MAGI2: variants seen among roughly 807,000 people sequenced by gnomAD.
MAGI2 encodes membrane-associated guanylate kinase, WW and PDZ domain-containing protein 2.
Under a neutral mutation model 133.3 loss-of-function variants are expected in MAGI2, and 35 were observed. The ratio of observed to expected loss-of-function variants is 0.26; its 90% CI spans 0.20 to 0.35. The LOEUF is 0.35. Ranked by LOEUF, MAGI2 falls within the 10% of genes least tolerant of loss-of-function variation. The pLI, the probability that MAGI2 is intolerant of heterozygous loss-of-function variation, is 1.00. For synonymous variants in MAGI2, 729 were observed against 710.6 expected, an observed-to-expected ratio of 1.03 and a Z score of -0.41; for missense variants, 1,636 against 1,863.4, an observed-to-expected ratio of 0.88 and a Z score of 2.25.
intron 6 of MAGI2, among the ~76,000 whole-genome samples, chr7:78,387,984 A>G (rs1236208916): frequency 6.6e-6 from 1 of 151,568 alleles, no homozygotes; most frequent in Non-Finnish European, 1.5e-5. Flanking sequence ...AAAATAATAA[A>G]ATCTATTCTT....
At chr7:79,159,517 CAAA>C (rs57296916) in intron 1 of MAGI2, among the ~76,000 whole-genome samples, 12 of 107,372 alleles carry the variant, frequency 1.1e-4, no homozygotes, top group Admixed American at 9.1e-5. Context: ...GACTCAGTCT[CAAA>C]AAAAAAAAAA....
At chr7:78,215,908 A>AG (rs1788223316) in intron 10 of MAGI2, among the ~76,000 whole-genome samples, 1 of 152,232 alleles carries the variant, frequency 6.6e-6, no homozygotes, top group African/African-American at 2.4e-5. Context: ...AGACTGGGGT[A>AG]GACTTATGAG....
intron 2 of MAGI2, among the ~76,000 whole-genome samples, chr7:78,799,874 A>G (rs1275335384): frequency 6.6e-6 from 1 of 152,158 alleles, no homozygotes; most frequent in Non-Finnish European, 1.5e-5. Context: ...TTAAAGTATT[A>G]CCATCTTTGT....
chr7:78,822,485 A>G (rs530368724), intron 2 of MAGI2, among the ~76,000 whole-genome samples: 13 of 152,072 alleles, frequency 8.5e-5, no homozygotes, highest in Non-Finnish European at 7.4e-5. Context: ...TTGCTCTTCT[A>G]AACTGGATTT....
At chr7:79,435,835 A>G (rs1351486117) in intron 1 of MAGI2, among the ~76,000 whole-genome samples, 4 of 152,284 alleles carry the variant, frequency 2.6e-5, no homozygotes, top group African/African-American at 9.6e-5. Context: ...ACAAAGCCAG[A>G]GGCATCACCA....
intron 2 of MAGI2, chr7:78,946,839 C>T (rs1801454810): frequency 6.6e-6 from 1 of 152,060 alleles, no homozygotes; most frequent in Non-Finnish European, 1.5e-5. Flanking sequence ...GAAGAAAATT[C>T]CATCACCCAA....
At chr7:78,095,214 C>T (rs780463753) in intron 20 of MAGI2, among the ~76,000 whole-genome samples, 2 of 152,290 alleles carry the variant, frequency 1.3e-5, no homozygotes, top group East Asian at 3.9e-4. Context: ...TGCTGTCTCT[C>T]GTGAGGATGA....
At chr7:78,426,461 TG>T (rs892640468) in intron 6 of MAGI2, among the ~76,000 whole-genome samples, 35 of 149,892 alleles carry the variant, frequency 2.3e-4, no homozygotes, top group African/African-American at 8.0e-4. Flanking sequence ...TGTTGTGGGG[TG>T]GGGGGAGCGC....
chr7:79,079,023 C>A (rs559992489), intron 1 of MAGI2, among the ~76,000 whole-genome samples: 1 of 152,216 alleles, frequency 6.6e-6, no homozygotes, highest in South Asian at 2.1e-4. Context: ...CTTGAGAATT[C>A]TTTTCTCCCT....
intron 9 of MAGI2, among the ~76,000 whole-genome samples, chr7:78,296,950 T>C (rs1434427756): frequency 6.6e-6 from 1 of 152,168 alleles, no homozygotes; most frequent in African/African-American, 2.4e-5. Context: ...AGTCATGTGC[T>C]ATAGCTCGCT....
chr7:79,086,602 T>C (rs560211250), intron 1 of MAGI2, among the ~76,000 whole-genome samples: 7 of 151,974 alleles, frequency 4.6e-5, no homozygotes, highest in Admixed American at 4.6e-4. Flanking sequence ...TCTCATAGTT[T>C]AATGGAGGAT....
chr7:79,161,942 A>G (rs906198850), intron 1 of MAGI2, among the ~76,000 whole-genome samples: 6 of 152,076 alleles, frequency 3.9e-5, no homozygotes, highest in East Asian at 1.9e-4. Context: ...ATTTAAAAGG[A>G]GTTTATATGG....
At chr7:79,040,569 A>G (rs35002832) in intron 1 of MAGI2, among the ~76,000 whole-genome samples, 39,231 of 152,008 alleles carry the variant, frequency 0.26, 5,142 homozygotes, top group Middle Eastern at 0.38. Context: ...GTACCTACAC[A>G]AGTCTCACCT....
At position 79,324,707 on chromosome 7, in the gene MAGI2, TTATA is replaced by T. The variant is rs1395716103; in HGVS notation, c.301+128309_301+128312del. ...TATATATATATAAAATATATATATA[TTATA>T]TATGTATATAAAATATATATATATT... On this transcript the variant is annotated intron_variant, in intron 1 of 21. Coordinates refer to ENST00000354212, the MANE Select transcript of MAGI2 (RefSeq NM_012301.4). Among the ~76,000 whole-genome samples, 2 of 12,620 alleles carry T rather than the reference TTATA, an allele frequency of 1.6e-4. 1 individual carries two copies. Among genetic ancestry groups the T allele is most frequent in the Admixed American group, 3.1e-3 (2 of 638 alleles). 8.3% of individuals were successfully genotyped at this position (12,620 alleles called of 152,430 possible). A position where few individuals can be genotyped will look rare whatever the true frequency, so the allele number is the denominator to read the frequency against.
intron 3 of MAGI2, among the ~76,000 whole-genome samples, chr7:78,542,867 C>T (rs190356378): frequency 1.3e-5 from 2 of 152,226 alleles, no homozygotes; most frequent in East Asian, 1.9e-4. Flanking sequence ...CTTCTTGTTA[C>T]GCTGTGGAAA....
chr7:79,343,194 C>A (rs1841038795), intron 1 of MAGI2: 1 of 152,108 alleles, frequency 6.6e-6, no homozygotes, highest in Non-Finnish European at 1.5e-5. Flanking sequence ...TCACCACAGT[C>A]TAAGTAATAA....
chr7:79,384,390 T>A (rs1464838864), intron 1 of MAGI2, among the ~76,000 whole-genome samples: 3 of 151,472 alleles, frequency 2.0e-5, no homozygotes, highest in African/African-American at 2.4e-5. Flanking sequence ...CTGTGAACTA[T>A]TTTTTTAAAT....
intron 9 of MAGI2, among the ~76,000 whole-genome samples, chr7:78,314,510 C>A (rs1392065058): frequency 6.6e-6 from 1 of 152,140 alleles, no homozygotes; most frequent in Non-Finnish European, 1.5e-5. Context: ...ACTTATAATA[C>A]AAACTGCCCA....
chr7:79,452,827 A>G (rs1586041350), intron 1 of MAGI2, 193 bp downstream of exon 1: 1 of 611,724 alleles, frequency 1.6e-6, no homozygotes, highest in South Asian at 2.2e-5. Context: ...CCACACCACA[A>G]CCTGCCCCTC....
Sources: allele counts gnomAD v4.1 joint callset (sites outside exome capture counted in the v4.1 genomes callset), GRCh38; gene constraint gnomAD v4.1.1; transcripts MANE v1.5; gene names NCBI Gene and HGNC (gene_info 2026-07-23, HGNC 2026-07-21).